The following KCNH7 variants were observed in gnomAD, a reference collection of about 807,000 sequenced individuals.
KCNH7 encodes voltage-gated inwardly rectifying potassium channel KCNH7.
KCNH7 carries 49 observed loss-of-function variants against 120.8 expected under a neutral mutation model. The ratio of observed to expected loss-of-function variants is 0.41; its 90% confidence interval spans 0.32 to 0.51. The LOEUF (loss-of-function observed/expected upper bound fraction) is 0.51. KCNH7 is among the 20% of genes least tolerant of loss of function. The pLI is 0.38. For synonymous variants in KCNH7, 547 were observed against 516.1 expected, an observed-to-expected ratio of 1.06 and a Z score of -0.81; for missense variants, 1,097 against 1,446.6, an observed-to-expected ratio of 0.76 and a Z score of 3.92.
chr2:162,581,775 A>G (rs1253811966), intron 2 of KCNH7, among the ~76,000 whole-genome samples: 1 of 152,088 alleles, frequency 6.6e-6, no homozygotes, highest in Non-Finnish European at 1.5e-5. Flanking sequence ...TAAAATGACA[A>G]TGTCATATAT....
chr2:162,644,354 G>A (rs1172588381), intron 2 of KCNH7, among the ~76,000 whole-genome samples: 1 of 151,834 alleles, frequency 6.6e-6, no homozygotes, highest in Non-Finnish European at 1.5e-5. Context: ...AGTTAAAAGT[G>A]ACTAATGATC....
At chr2:162,818,131 T>G (rs1376076464) in intron 2 of KCNH7, among the ~76,000 whole-genome samples, 1 of 151,980 alleles carries the variant, frequency 6.6e-6, no homozygotes, top group Non-Finnish European at 1.5e-5. Flanking sequence ...TCATATTCAT[T>G]ATTTTTTATT....
intron 2 of KCNH7, among the ~76,000 whole-genome samples, chr2:162,722,813 C>CTTTTTTTTTTTT (rs894023630): frequency 0.032 from 2,654 of 84,230 alleles, 83 homozygotes; most frequent in East Asian, 0.054. Context: ...TTCTTTTTTT[C>CTTTTTTTTTTTT]TTTTTTTTTT....
chr2:162,549,750 C>T (rs1692604897), intron 2 of KCNH7, among the ~76,000 whole-genome samples: 1 of 152,090 alleles, frequency 6.6e-6, no homozygotes, highest in Non-Finnish European at 1.5e-5. Flanking sequence ...GAATTAATTT[C>T]CTAGATTCAT....
Position 162,435,664 on chromosome 2 carries a change from A to C in KCNH7, c.1555-67T>G, listed in dbSNP as rs1191456283. ...AATTCAAAGTACATTCATATGAAGC[A>C]AAGTGGACAAAAACAGGTTAAGACA... is the stretch of plus-strand genomic sequence containing the variant. On this transcript the variant is annotated intron_variant, in intron 7 of 15. Coordinates refer to ENST00000332142, the MANE Select transcript of KCNH7 (RefSeq NM_033272.4). 6 of 1,463,412 alleles carry C rather than the reference A, an allele frequency of 4.1e-6. No individual in the cohort carries two copies. The East Asian group carries it at 1.4e-4, about 34-fold the overall frequency. 90.7% of individuals were successfully genotyped at this position (1,463,412 alleles called of 1,614,324 possible).
intron 3 of KCNH7, among the ~76,000 whole-genome samples, chr2:162,529,876 T>A (rs16846837): frequency 0.096 from 14,618 of 151,930 alleles, 2,367 homozygotes; most frequent in African/African-American, 0.33. Context: ...TTTCATCTTT[T>A]ATTTTGTGTT....
intron 2 of KCNH7, among the ~76,000 whole-genome samples, chr2:162,717,739 G>T (rs186663793): frequency 5.9e-5 from 9 of 152,074 alleles, no homozygotes; most frequent in East Asian, 3.9e-4. Flanking sequence ...GAGAATAAGC[G>T]CCTGTTTTTC....
intron 2 of KCNH7, among the ~76,000 whole-genome samples, chr2:162,650,151 G>A (rs1684517417): frequency 6.6e-6 from 1 of 152,102 alleles, no homozygotes; most frequent in Non-Finnish European, 1.5e-5. Context: ...AATCACTTAA[G>A]CCTAGAATAA....
Position 162,766,902 on chromosome 2 carries a change from CACAT to C in KCNH7, c.307+69631_307+69634del, listed in dbSNP as rs1273488050. Among the ~76,000 whole-genome samples, 373 of 147,470 alleles carry C rather than the reference CACAT, an allele frequency of 2.5e-3. 3 individuals carry two copies. The highest frequency in any genetic ancestry group is 9.1e-3 in the African/African-American group (345 of 37,798). ...ACACACACACACACACACACACACA[CACAT>C]AAACACACATCATTTTTATTTCTAC... is the stretch of plus-strand genomic sequence containing the variant. On this transcript the variant is annotated intron_variant, in intron 2 of 15. Coordinates refer to ENST00000332142, the MANE Select transcript of KCNH7 (RefSeq NM_033272.4).
Position 162,722,421 on chromosome 2 carries a change from A to C in KCNH7, c.307+114116T>G, listed in dbSNP as rs575989610. Among the ~76,000 whole-genome samples, 202 of 152,290 alleles carry C rather than the reference A, an allele frequency of 1.3e-3. 3 individuals carry two copies. Among genetic ancestry groups the C allele is most frequent in the Middle Eastern group, 0.01 (3 of 294 alleles). ...GAAGGCAGAAGAAGATAATCAGAAA[A>C]TAGTAGACTTTTTTTTAAAGAGAAG... On this transcript the variant is annotated intron_variant, in intron 2 of 15. Coordinates refer to ENST00000332142, the MANE Select transcript of KCNH7 (RefSeq NM_033272.4).
chr2:162,713,388 T>C lies in KCNH7; in HGVS notation c.307+123149A>G, dbSNP rs553552412. On this transcript the variant is annotated intron_variant, in intron 2 of 15. Coordinates refer to ENST00000332142, the MANE Select transcript of KCNH7 (RefSeq NM_033272.4). ...GGCTTGTACCTATGGCCAAAATTAA[T>C]AGTATTTTGATCCCAAACTGTACTG... Among the ~76,000 whole-genome samples the C allele has an allele frequency of 7.2e-5, 11 of 152,284 alleles. No homozygotes were observed. In the East Asian group the frequency reaches 1.7e-3, roughly 24 times the overall value.
chr2:162,568,680 A>G (rs988159294), intron 2 of KCNH7, among the ~76,000 whole-genome samples: 2 of 151,998 alleles, frequency 1.3e-5, no homozygotes, highest in African/African-American at 4.8e-5. Flanking sequence ...TTGGAGTAGA[A>G]ACAAAGAGGA....
At chr2:162,706,638 G>T (rs1268546210) in intron 2 of KCNH7, among the ~76,000 whole-genome samples, 1 of 152,028 alleles carries the variant, frequency 6.6e-6, no homozygotes, top group Non-Finnish European at 1.5e-5. Flanking sequence ...ACTAACTGGT[G>T]CTTCTGTAAC....
chr2:162,592,112 A>G (rs932920039), intron 2 of KCNH7, among the ~76,000 whole-genome samples: 3 of 152,068 alleles, frequency 2.0e-5, no homozygotes, highest in African/African-American at 7.2e-5. Context: ...ATAGGCAAAG[A>G]AAGTTAAGAA....
intron 2 of KCNH7, among the ~76,000 whole-genome samples, chr2:162,824,970 T>A (rs979505123): frequency 2.6e-5 from 4 of 152,000 alleles, no homozygotes; most frequent in African/African-American, 9.7e-5. Context: ...TATATTTAGA[T>A]AATAAATAAG....
intron 2 of KCNH7, among the ~76,000 whole-genome samples, chr2:162,632,424 A>G (rs942447990): frequency 6.6e-6 from 1 of 151,984 alleles, no homozygotes. Flanking sequence ...TCAGTTTCAT[A>G]GGATATCAAT....
chr2:162,593,803 T>C (rs1694290582), intron 2 of KCNH7, among the ~76,000 whole-genome samples: 1 of 151,994 alleles, frequency 6.6e-6, no homozygotes, highest in Non-Finnish European at 1.5e-5. Flanking sequence ...GTATCCCTAA[T>C]CCATACTGCT....
chr2:162,566,249 C>A (rs1693250298), intron 2 of KCNH7, among the ~76,000 whole-genome samples: 1 of 152,042 alleles, frequency 6.6e-6, no homozygotes, highest in African/African-American at 2.4e-5. Context: ...AGCCTCATAG[C>A]CAAGACACTT....
chr2:162,706,446 C>T (rs994654010), intron 2 of KCNH7, among the ~76,000 whole-genome samples: 2 of 151,888 alleles, frequency 1.3e-5, no homozygotes, highest in African/African-American at 2.4e-5. Flanking sequence ...TAAGAGGGAC[C>T]TTATTTTCCC....
Sources: allele counts gnomAD v4.1 joint callset (sites outside exome capture counted in the v4.1 genomes callset), GRCh38; gene constraint gnomAD v4.1.1; transcripts MANE v1.5; gene names NCBI Gene and HGNC (gene_info 2026-07-23, HGNC 2026-07-21).